The following ANKRD30B variants were observed in gnomAD, a reference collection of about 807,000 sequenced individuals.
The protein encoded by ANKRD30B is ankyrin repeat domain-containing protein 30B.
ANKRD30B carries 144 observed loss-of-function variants against 202.2 expected under a neutral mutation model. That is an observed-to-expected ratio of 0.71 (90% CI 0.62 to 0.82). The LOEUF (loss-of-function observed/expected upper bound fraction) is 0.82. ANKRD30B is among the 40% of genes least tolerant of loss of function. The pLI, the probability that ANKRD30B is intolerant of heterozygous loss-of-function variation, is 0.00. For missense variants in ANKRD30B, 1,487 were observed against 1,669.1 expected (o/e 0.89, Z 1.90); for synonymous variants, 508 against 561.3 (o/e 0.91, Z 1.34).
At chr18:14,785,234 G>C (rs1051540755) in intron 14 of ANKRD30B, among the ~76,000 whole-genome samples, 1 of 152,068 alleles carries the variant, frequency 6.6e-6, no homozygotes, top group Admixed American at 6.5e-5. Flanking sequence ...ATTTTACAAC[G>C]TGTGCATGGT....
chr18:14,869,508 A>G, the ANKRD30B span, among the ~76,000 whole-genome samples: 1 of 152,212 alleles, frequency 6.6e-6, no homozygotes, highest in Non-Finnish European at 1.5e-5. Flanking sequence ...TAATTAAAAT[A>G]ATCTTTTAAC....
the ANKRD30B span, among the ~76,000 whole-genome samples, chr18:14,866,359 CCTGAGTGGTAGGAGG>C: frequency 2.0e-5 from 3 of 151,976 alleles, no homozygotes; most frequent in South Asian, 4.2e-4. Flanking sequence ...AGGAGGGTGG[CCTGAGTGGTAGGAGG>C]GGGGCTGGAG....
intron 32 of ANKRD30B, among the ~76,000 whole-genome samples, chr18:14,826,063 C>T (rs906748100): frequency 8.6e-5 from 13 of 151,930 alleles, no homozygotes; most frequent in African/African-American, 2.2e-4. Flanking sequence ...TTGGTTTATA[C>T]GTATTTCTAG....
chr18:14,783,009 A>G (rs1162920809), intron 12 of ANKRD30B, among the ~76,000 whole-genome samples: 3 of 152,204 alleles, frequency 2.0e-5, no homozygotes, highest in Non-Finnish European at 2.9e-5. Context: ...GCTTAGAAAG[A>G]TGGCAAGAAT....
chr18:14,900,754 A>G, the ANKRD30B span, among the ~76,000 whole-genome samples: 3 of 152,184 alleles, frequency 2.0e-5, no homozygotes, highest in South Asian at 2.1e-4. Context: ...AAAGTCTTCC[A>G]TAAAAGGTAG....
At chr18:14,935,832 T>C in the ANKRD30B span, among the ~76,000 whole-genome samples, 1 of 152,248 alleles carries the variant, frequency 6.6e-6, no homozygotes, top group Non-Finnish European at 1.5e-5. Context: ...ACACAGAGAC[T>C]GTCTCAAGGA....
chr18:14,799,510 GTTC>G (rs1395304257), intron 22 of ANKRD30B, among the ~76,000 whole-genome samples: 1 of 152,128 alleles, frequency 6.6e-6, no homozygotes, highest in Non-Finnish European at 1.5e-5. Flanking sequence ...ACTTCATGTG[GTTC>G]TTCTTTAATA....
intron 6 of ANKRD30B, among the ~76,000 whole-genome samples, 174 bp downstream of exon 6, chr18:14,760,792 A>T (rs1915140120): frequency 6.6e-6 from 1 of 152,104 alleles, no homozygotes; most frequent in African/African-American, 2.4e-5. Context: ...TTTATTTTTT[A>T]AATTTATTAT....
At chr18:14,870,375 T>G in the ANKRD30B span, among the ~76,000 whole-genome samples, 2 of 152,246 alleles carry the variant, frequency 1.3e-5, no homozygotes, top group Non-Finnish European at 2.9e-5. Flanking sequence ...CTCTCTGCTG[T>G]GCCCTCCACC....
At chr18:14,824,868 T>C (rs1386202027) in intron 32 of ANKRD30B, among the ~76,000 whole-genome samples, 1 of 152,162 alleles carries the variant, frequency 6.6e-6, no homozygotes. Context: ...ATAGATAACA[T>C]GTGAAGAAAT....
the ANKRD30B span, among the ~76,000 whole-genome samples, chr18:14,867,749 C>G: frequency 6.6e-6 from 1 of 152,138 alleles, no homozygotes; most frequent in Non-Finnish European, 1.5e-5. Context: ...TCTCCAGTCC[C>G]CACCCCAGGT....
At chr18:14,789,080 T>C (rs1385561197) in intron 15 of ANKRD30B, among the ~76,000 whole-genome samples, 2 of 151,948 alleles carry the variant, frequency 1.3e-5, no homozygotes, top group African/African-American at 2.4e-5. Flanking sequence ...TTTTAATGAT[T>C]GCCATTCTAA....
chr18:14,785,987 G>A (rs1318053918), intron 14 of ANKRD30B, among the ~76,000 whole-genome samples: 6 of 142,360 alleles, frequency 4.2e-5, no homozygotes, highest in African/African-American at 1.3e-4. Flanking sequence ...GCAGTGAGCC[G>A]AGATTGCGCC....
At chr18:14,925,952 T>C in the ANKRD30B span, among the ~76,000 whole-genome samples, 16 of 152,192 alleles carry the variant, frequency 1.1e-4, no homozygotes, top group Non-Finnish European at 1.8e-4. Context: ...TGTCCTGTGC[T>C]CACAAAAGGT....
At chr18:14,841,809 C>A in intron 37 of ANKRD30B, among the ~76,000 whole-genome samples, 1 of 152,148 alleles carries the variant, frequency 6.6e-6, no homozygotes, top group East Asian at 1.9e-4. Context: ...ATTGTGGGTA[C>A]TCCAGAGACT....
intron 16 of ANKRD30B, 52 bp downstream of exon 16, chr18:14,791,543 C>T: frequency 7.1e-7 from 1 of 1,410,120 alleles, no homozygotes. Context: ...TTTATCTAAA[C>T]TGATGAGGAA....
At chr18:14,939,092 G>A in the ANKRD30B span, among the ~76,000 whole-genome samples, 1 of 152,200 alleles carries the variant, frequency 6.6e-6, no homozygotes, top group African/African-American at 2.4e-5. Context: ...TCTGTCTCTT[G>A]TCTCTTCAAA....
the ANKRD30B span, among the ~76,000 whole-genome samples, chr18:14,934,941 CA>C: frequency 1.4e-3 from 217 of 151,288 alleles, 1 homozygote; most frequent in African/African-American, 5.1e-3. Flanking sequence ...CACACACACA[CA>C]CACACACCCC....
At position 14,758,397 on chromosome 18, in the gene ANKRD30B, T is replaced by C. The variant is rs1183083295; in HGVS notation, c.755+445T>C. ...GGGGACACGGCCATTCTCTTCTTTT[T>C]GTTGTTTCCATTGATTCTGTTGCTG... is the stretch of plus-strand genomic sequence containing the variant. On this transcript the variant is annotated intron_variant, in intron 5 of 43. Coordinates refer to ENST00000690538, the MANE Select transcript of ANKRD30B (RefSeq NM_001367607.2). Among the ~76,000 whole-genome samples the C allele has an allele frequency of 1.3e-5, 2 of 152,204 alleles. 1 individual carries two copies. The highest frequency in any genetic ancestry group is 2.9e-5 in the Non-Finnish European group (2 of 68,032).
Sources: allele counts gnomAD v4.1 joint callset (sites outside exome capture counted in the v4.1 genomes callset), GRCh38; gene constraint gnomAD v4.1.1; transcripts MANE v1.5; gene names NCBI Gene and HGNC (gene_info 2026-07-23, HGNC 2026-07-21).